The following UBE2R2 variants were observed in gnomAD, a reference collection of about 807,000 sequenced individuals.
UBE2R2 encodes ubiquitin conjugating enzyme E2 R2.
In UBE2R2, 1 loss-of-function variant was observed where a neutral mutation model predicts 27.8. That is an observed-to-expected ratio of 0.04 (90% confidence interval 0.01 to 0.17). UBE2R2 has a LOEUF of 0.17. UBE2R2 is among the 10% of genes least tolerant of loss of function. The probability of loss-of-function intolerance (pLI) is 1.00; values close to 1 mark genes in which losing one functional copy is unlikely to be tolerated. For missense variants in UBE2R2, 100 were observed against 291.0 expected, an observed-to-expected ratio of 0.34 and a Z score of 4.78; for synonymous variants, 106 against 113.3, an observed-to-expected ratio of 0.94 and a Z score of 0.41.
intron 1 of UBE2R2, among the ~76,000 whole-genome samples, chr9:33,864,725 T>A (rs1821321562): frequency 7.5e-6 from 1 of 133,842 alleles, no homozygotes; most frequent in African/African-American, 3.4e-5. Flanking sequence ...CTTTTAATTT[T>A]TTTTTTTTTT....
rs991559694 is a variant in UBE2R2, at chr9:33,895,918, A to G, written c.265-4256A>G. Among the ~76,000 whole-genome samples the G allele has an allele frequency of 1.4e-3, 206 of 151,456 alleles. 2 individuals are homozygous for G. The highest frequency in any genetic ancestry group is 3.7e-4 in the Non-Finnish European group (25 of 67,854). ...CTGCTGAGCAGCTGGGATTACAGGCATGAGCCACCATGTCTGGCAAATTTT... is the reference window on the plus strand; with the variant it reads ...CTGCTGAGCAGCTGGGATTACAGGCGTGAGCCACCATGTCTGGCAAATTTT... On this transcript the variant is annotated intron_variant, in intron 2 of 4. Coordinates refer to ENST00000263228, the MANE Select transcript of UBE2R2 (RefSeq NM_017811.4).
At chr9:33,886,333 AGT>A (rs146159120) in intron 1 of UBE2R2, among the ~76,000 whole-genome samples, 4,703 of 152,206 alleles carry the variant, frequency 0.031, 157 homozygotes, top group East Asian at 0.089. Flanking sequence ...TGTGTATGTG[AGT>A]GAGTGTGAGT....
At chr9:33,820,181 C>T (rs1378408078) in intron 1 of UBE2R2, among the ~76,000 whole-genome samples, 1 of 152,192 alleles carries the variant, frequency 6.6e-6, no homozygotes, top group Non-Finnish European at 1.5e-5. Context: ...GTGCATAAGT[C>T]TGGGAAAGGA....
chr9:33,833,354 C>T (rs917247642), intron 1 of UBE2R2, among the ~76,000 whole-genome samples: 2 of 151,996 alleles, frequency 1.3e-5, no homozygotes, highest in African/African-American at 4.8e-5. Flanking sequence ...CGTGAGCCAC[C>T]GCGCCCGACT....
At chr9:33,853,463 T>G (rs1213053411) in intron 1 of UBE2R2, among the ~76,000 whole-genome samples, 2 of 151,978 alleles carry the variant, frequency 1.3e-5, no homozygotes, top group Non-Finnish European at 2.9e-5. Context: ...TTTTGTAGTT[T>G]TAGTAGAGAC....
intron 2 of UBE2R2, among the ~76,000 whole-genome samples, chr9:33,893,917 C>T (rs1822040015): frequency 6.6e-6 from 1 of 152,302 alleles, no homozygotes; most frequent in Non-Finnish European, 1.5e-5. Context: ...AGGTGTGAGC[C>T]ACTGTGCCCA....
At chr9:33,843,875 T>G (rs900799382) in intron 1 of UBE2R2, among the ~76,000 whole-genome samples, 2 of 152,236 alleles carry the variant, frequency 1.3e-5, no homozygotes, top group African/African-American at 4.8e-5. Flanking sequence ...ATATTTTGGG[T>G]TTTACCACTG....
intron 1 of UBE2R2, among the ~76,000 whole-genome samples, chr9:33,885,007 TG>T (rs1821826619): frequency 6.6e-6 from 1 of 152,180 alleles, no homozygotes; most frequent in Non-Finnish European, 1.5e-5. Context: ...CTCAGCTTAG[TG>T]GTCAGGTAAT....
At position 33,844,325 on chromosome 9, in the gene UBE2R2, C is replaced by T. The variant is rs560703273; in HGVS notation, c.177+26391C>T. Among the ~76,000 whole-genome samples the T allele has an allele frequency of 5.3e-5, 8 of 152,214 alleles. No homozygotes were observed. In the South Asian group the frequency reaches 1.2e-3, roughly 24 times the overall value. ...GTTCAAGCGATTCTTCTGCCTCAGCCTCCCCAGTAGCTGGGATTACAGGTG... is the reference window on the plus strand; with the variant it reads ...GTTCAAGCGATTCTTCTGCCTCAGCTTCCCCAGTAGCTGGGATTACAGGTG... On this transcript the variant is annotated intron_variant, in intron 1 of 4. Coordinates refer to ENST00000263228, the MANE Select transcript of UBE2R2 (RefSeq NM_017811.4).
At chr9:33,895,589 G>C (rs961368563) in intron 2 of UBE2R2, among the ~76,000 whole-genome samples, 1 of 152,104 alleles carries the variant, frequency 6.6e-6, no homozygotes, top group South Asian at 2.1e-4. Flanking sequence ...AAATGGGAAG[G>C]TAGGATTTGA....
In UBE2R2 at chr9:33,822,279, C is replaced by G. The variant is rs112731233; in HGVS notation, c.177+4345C>G. 7.7e-3 allele frequency among the ~76,000 whole-genome samples: 1,163 copies of G among 151,620 alleles called. 6 individuals are homozygous for G. The highest frequency in any genetic ancestry group is 0.012 in the Non-Finnish European group (846 of 67,890). ...GCTAATTCTGTATTTTTGGTAGAGA[C>G]GAGGTTTCTCCATGTTGGTTAGGCT... is the stretch of plus-strand genomic sequence containing the variant. On this transcript the variant is annotated intron_variant, in intron 1 of 4. Coordinates refer to ENST00000263228, the MANE Select transcript of UBE2R2 (RefSeq NM_017811.4).
chr9:33,836,860 G>A (rs1820625679), intron 1 of UBE2R2, among the ~76,000 whole-genome samples: 2 of 152,002 alleles, frequency 1.3e-5, no homozygotes, highest in South Asian at 4.1e-4. Flanking sequence ...ACTTGGCTGG[G>A]TATAGAATTC....
Position 33,866,459 on chromosome 9 carries a change from G to A in UBE2R2, c.178-20422G>A, listed in dbSNP as rs895906754. 3.3e-5 allele frequency among the ~76,000 whole-genome samples: 5 copies of A among 152,076 alleles called. No homozygotes were observed. In the East Asian group the frequency reaches 5.8e-4, roughly 18 times the overall value. ...TCACCTTGTTGGTCAGGCTGATCTC[G>A]AACTCCTGACTTCAGGCGATCCACC... is the stretch of plus-strand genomic sequence containing the variant. On this transcript the variant is annotated intron_variant, in intron 1 of 4. Transcript: ENST00000263228.
At chr9:33,906,559 G>T (rs1822360449) in intron 3 of UBE2R2, among the ~76,000 whole-genome samples, 1 of 152,060 alleles carries the variant, frequency 6.6e-6, no homozygotes, top group African/African-American at 2.4e-5. Context: ...AACTTTTCTT[G>T]CTTGGTTTCC....
chr9:33,896,682 T>C (rs1822112934), intron 2 of UBE2R2, among the ~76,000 whole-genome samples: 1 of 151,720 alleles, frequency 6.6e-6, no homozygotes, highest in African/African-American at 2.4e-5. Flanking sequence ...TCTCCTGACC[T>C]GGTGATCTGC....
intron 1 of UBE2R2, among the ~76,000 whole-genome samples, chr9:33,843,042 C>CTT (rs71506139): frequency 0.068 from 7,098 of 105,022 alleles, 376 homozygotes; most frequent in Non-Finnish European, 0.1. Context: ...AAACAGACCA[C>CTT]TTTTTTTTTT....
chr9:33,910,141 T>TTTTA (rs886879089), intron 3 of UBE2R2, among the ~76,000 whole-genome samples: 21 of 152,058 alleles, frequency 1.4e-4, no homozygotes, highest in South Asian at 2.1e-4. Context: ...CCTATTACGC[T>TTTTA]TTTATTTATT....
intron 1 of UBE2R2, among the ~76,000 whole-genome samples, chr9:33,860,263 G>A (rs769986633): frequency 6.6e-6 from 1 of 152,096 alleles, no homozygotes; most frequent in Non-Finnish European, 1.5e-5. Context: ...TTTTGTGTAA[G>A]TTTATGTTTT....
intron 1 of UBE2R2, among the ~76,000 whole-genome samples, chr9:33,850,910 C>T (rs536589743): frequency 6.6e-6 from 1 of 152,304 alleles, no homozygotes; most frequent in South Asian, 2.1e-4. Context: ...AGCCCTGCCC[C>T]CAGATGCAGT....
Sources: gnomAD v4.1 joint callset for allele counts (sites outside exome capture counted in the v4.1 genomes callset) on GRCh38, gnomAD v4.1.1 for gene constraint, MANE v1.5 for transcripts, NCBI Gene and HGNC (gene_info 2026-07-23, HGNC 2026-07-21) for gene names.